Variants in AP3B1 observed in about 807,000 individuals in gnomAD.
The protein encoded by AP3B1 is AP-3 complex subunit beta-1.
Under a neutral mutation model 132.5 loss-of-function variants are expected in AP3B1, and 61 were observed. That is an observed-to-expected ratio of 0.46 (90% CI 0.37 to 0.57). The LOEUF (loss-of-function observed/expected upper bound fraction) is 0.57, where lower values mean the gene tolerates loss of function less well. Among genes scored for constraint, AP3B1 ranks in the 20% least tolerant of loss-of-function variants. AP3B1 has a pLI of 0.00. For synonymous variants in AP3B1, 388 were observed against 438.3 expected, an observed-to-expected ratio of 0.89 and a Z score of 1.43; for missense variants, 1,120 against 1,289.4, an observed-to-expected ratio of 0.87 and a Z score of 2.01.
intron 9 of AP3B1, among the ~76,000 whole-genome samples, chr5:78,176,365 C>T (rs1561458869): frequency 1.3e-5 from 2 of 150,734 alleles, no homozygotes; most frequent in Admixed American, 6.6e-5. Flanking sequence ...AAGTATTGAA[C>T]TAGCAAAAGA....
chr5:78,077,926 T>G (rs1339962117), intron 22 of AP3B1, among the ~76,000 whole-genome samples: 8 of 152,130 alleles, frequency 5.3e-5, no homozygotes, highest in Non-Finnish European at 1.2e-4. Context: ...GCTTTTTTCT[T>G]TGTTGTCTTC....
chr5:78,021,935 G>T (rs999011603), intron 24 of AP3B1, among the ~76,000 whole-genome samples: 3 of 152,120 alleles, frequency 2.0e-5, no homozygotes, highest in Non-Finnish European at 4.4e-5. Flanking sequence ...GTTAGAACTG[G>T]ATCCCACAGC....
Position 78,032,139 on chromosome 5 carries a change from T to C in AP3B1, c.2894+2222A>G, listed in dbSNP as rs1355688886. Among the ~76,000 whole-genome samples, 5 of 152,228 alleles carry C rather than the reference T, an allele frequency of 3.3e-5. No homozygotes were observed. In the South Asian group the frequency reaches 1.0e-3, roughly 32 times the overall value. On this transcript the variant is annotated intron_variant, in intron 24 of 26. Coordinates refer to ENST00000255194, the MANE Select transcript of AP3B1 (RefSeq NM_003664.5). ...ATACATATAACTACATGGCTTAATT[T>C]AACAGTTCTGTCTATATCTATTTAT... is the stretch of plus-strand genomic sequence containing the variant.
chr5:78,252,805 G>A (rs891587275), intron 2 of AP3B1, among the ~76,000 whole-genome samples: 3 of 152,178 alleles, frequency 2.0e-5, no homozygotes, highest in African/African-American at 4.8e-5. Flanking sequence ...GGGGGAGCTC[G>A]CCACCCTTAA....
At chr5:78,091,017 G>A (rs1382844476) in intron 21 of AP3B1, among the ~76,000 whole-genome samples, 1 of 151,088 alleles carries the variant, frequency 6.6e-6, no homozygotes, top group Non-Finnish European at 1.5e-5. Context: ...TAACTCCTAG[G>A]CTCAGGCAAT....
intron 7 of AP3B1, among the ~76,000 whole-genome samples, chr5:78,193,744 TTATATATATA>T (rs10602406): frequency 9.1e-6 from 1 of 110,414 alleles, no homozygotes; most frequent in Non-Finnish European, 1.9e-5. Flanking sequence ...ATATATTTTT[TTATATATATA>T]TATATATATA....
At chr5:78,004,646 T>C (rs1371415388) in intron 26 of AP3B1, among the ~76,000 whole-genome samples, 2 of 152,206 alleles carry the variant, frequency 1.3e-5, no homozygotes, top group African/African-American at 4.8e-5. Flanking sequence ...ATTTCAAATA[T>C]TATAAACACT....
chr5:78,074,929 G>A (rs1321339971), intron 22 of AP3B1, among the ~76,000 whole-genome samples: 1 of 151,422 alleles, frequency 6.6e-6, no homozygotes, highest in African/African-American at 2.4e-5. Context: ...GCAAAACCCT[G>A]TCTCAAAAAA....
chr5:78,155,212 C>A (rs1743096724), intron 14 of AP3B1, among the ~76,000 whole-genome samples: 2 of 152,114 alleles, frequency 1.3e-5, no homozygotes. Flanking sequence ...CTCTAGATTA[C>A]CAGGCAGAGA....
In AP3B1 at chr5:78,134,571, G is replaced by A. The variant is rs186043887; in HGVS notation, c.1651-5264C>T. Among the ~76,000 whole-genome samples, 9 of 152,062 alleles carry A rather than the reference G, an allele frequency of 5.9e-5. No homozygotes were observed. The East Asian group carries it at 1.7e-3, about 29-fold the overall frequency. On this transcript the variant is annotated intron_variant, in intron 15 of 26. Transcript: ENST00000255194. ...TTTCTTTCTTTTGAGATGGAGTTTC[G>A]CTCTGGTTGCCCAGGCTGGAGTGCA...
intron 17 of AP3B1, among the ~76,000 whole-genome samples, chr5:78,124,311 C>T (rs1031263651): frequency 1.3e-5 from 2 of 152,130 alleles, no homozygotes; most frequent in African/African-American, 4.8e-5. Context: ...AACAAACCTG[C>T]ACATTGTGCA....
chr5:78,148,462 C>A (rs1409089880), intron 14 of AP3B1, among the ~76,000 whole-genome samples: 3 of 152,118 alleles, frequency 2.0e-5, no homozygotes, highest in Non-Finnish European at 4.4e-5. Context: ...TTTTTGAACA[C>A]CAGATGAGAC....
rs542809978 is a variant in AP3B1, at chr5:78,015,454, T to C, written c.3087A>G (p.Val1029=). The change falls in exon 26 of 27, where the codon GTA becomes GTG. Residue 1029 remains valine, a synonymous_variant. Transcript: ENST00000255194. ...CAGAAGGGACTGCACCTACATTGGC[T>C]ACATTTACAACCTTCTGAAAGATCA... is the stretch of plus-strand genomic sequence containing the variant. The part of the protein sequence containing the change: ...PSVIFQKVVN[V]ANVGAVPSGQ... The C allele has an allele frequency of 6.2e-7, 1 of 1,613,926 alleles. No individual in the cohort carries two copies. Among genetic ancestry groups the C allele is most frequent in the African/African-American group, 1.3e-5 (1 of 75,042 alleles).
intron 19 of AP3B1, among the ~76,000 whole-genome samples, chr5:78,111,378 T>C (rs1302088949): frequency 6.6e-6 from 1 of 152,192 alleles, no homozygotes; most frequent in African/African-American, 2.4e-5. Flanking sequence ...AGGATAACGA[T>C]GGTTAGTAAG....
chr5:78,259,690 G>A (rs377454133), intron 2 of AP3B1, among the ~76,000 whole-genome samples: 58 of 152,116 alleles, frequency 3.8e-4, no homozygotes, highest in Middle Eastern at 3.4e-3. Context: ...ATATATGGCC[G>A]GGTGCAGTGG....
intron 7 of AP3B1, among the ~76,000 whole-genome samples, chr5:78,213,757 C>G (rs1262075499): frequency 6.6e-6 from 1 of 152,032 alleles, no homozygotes; most frequent in Non-Finnish European, 1.5e-5. Flanking sequence ...CAAGAGGTTA[C>G]GAGAAGGGAA....
At chr5:78,120,934 T>C (rs181246893) in intron 17 of AP3B1, among the ~76,000 whole-genome samples, 5,338 of 152,210 alleles carry the variant, frequency 0.035, 310 homozygotes, top group African/African-American at 0.12. Flanking sequence ...ATTGACCACA[T>C]AGTTGGAAGT....
chr5:78,276,377 T>C (rs143956006), intron 1 of AP3B1, among the ~76,000 whole-genome samples: 59 of 152,256 alleles, frequency 3.9e-4, no homozygotes, highest in African/African-American at 1.4e-3. Flanking sequence ...TGCAACATAC[T>C]TTGTGATTTG....
chr5:78,123,539 A>T (rs911376336), intron 17 of AP3B1, among the ~76,000 whole-genome samples: 2 of 152,246 alleles, frequency 1.3e-5, no homozygotes, highest in Non-Finnish European at 2.9e-5. Flanking sequence ...TGGGCGAAGG[A>T]TGTGAACAGA....
Sources: gnomAD v4.1 joint callset for allele counts (sites outside exome capture counted in the v4.1 genomes callset) on GRCh38, gnomAD v4.1.1 for gene constraint, MANE v1.5 for transcripts, NCBI Gene and HGNC (gene_info 2026-07-23, HGNC 2026-07-21) for gene names.